Variants in CD3E observed in about 807,000 individuals in gnomAD.
CD3E encodes the protein CD3 epsilon subunit of T-cell receptor complex.
Under a neutral mutation model 34.7 loss-of-function variants are expected in CD3E, and 16 were observed. That is an observed-to-expected ratio of 0.46 (90% CI 0.31 to 0.70). The LOEUF (loss-of-function observed/expected upper bound fraction) is 0.70, where lower values mean the gene tolerates loss of function less well. CD3E is among the 30% of genes least tolerant of loss of function. CD3E has a pLI of 0.05. For synonymous variants in CD3E, 70 were observed against 90.8 expected (o/e 0.77, Z 1.30); for missense variants, 223 against 253.9 (o/e 0.88, Z 0.83).
At chr11:118,311,682 G>C (rs551271764) in intron 4 of CD3E, among the ~76,000 whole-genome samples, 28 of 152,180 alleles carry the variant, frequency 1.8e-4, no homozygotes, top group Non-Finnish European at 3.4e-4. Context: ...CAGTGGTGTG[G>C]AGAGCTTTAT....
chr11:118,314,652 T>C (rs1178768270), intron 8 of CD3E, among the ~76,000 whole-genome samples, 158 bp downstream of exon 8: 1 of 152,058 alleles, frequency 6.6e-6, no homozygotes, highest in Non-Finnish European at 1.5e-5. Flanking sequence ...GCGTCCTTCA[T>C]GGTAAAACAG....
At position 118,304,773 on chromosome 11, in the gene CD3E, A is replaced by G; in HGVS notation, c.-63A>G. On this transcript the variant is annotated 5_prime_UTR_variant, in exon 1 of 9. Coordinates refer to ENST00000361763, the MANE Select transcript of CD3E (RefSeq NM_000733.4). ...CCAGCCTCAGGTGCCTGCTTCAGAA[A>G]ATGGTGAGTCTCTCTCTTATAAAGC... 1.4e-6 allele frequency: 1 copy of G among 703,566 alleles called. No individual in the cohort carries two copies. The highest frequency in any genetic ancestry group is 1.5e-5 in the South Asian group (1 of 68,366). 43.6% of individuals were successfully genotyped at this position (703,566 alleles called of 1,614,324 possible).
Position 118,312,190 on chromosome 11 carries a change from A to G in CD3E, c.103+20A>G. The stretch of plus-strand genomic sequence containing the variant: ...AGACACGTGAGTTTATTGGTCTTTT[A>G]TTTATGCCCTGTCTGAGGATGCAGA... On this transcript the variant is annotated intron_variant, in intron 5 of 8. Transcript: ENST00000361763. The G allele has an allele frequency of 6.2e-7, 1 of 1,606,710 alleles. No individual in the cohort carries two copies. Among genetic ancestry groups the G allele is most frequent in the Non-Finnish European group, 8.5e-7 (1 of 1,173,366 alleles).
rs200786981 is a variant in CD3E, at chr11:118,314,430, C to T, written c.521-18C>T. On this transcript the variant is annotated intron_variant, in intron 7 of 8. Coordinates refer to ENST00000361763, the MANE Select transcript of CD3E (RefSeq NM_000733.4). ...GTTCCCTCATGGGAATGAAATGTTT[C>T]CCCTCCTTCCTCCGCAGGACAAAAC... is the stretch of plus-strand genomic sequence containing the variant. 1.9e-6 allele frequency: 3 copies of T among 1,612,342 alleles called. No individual in the cohort carries two copies. Among genetic ancestry groups the T allele is most frequent in the Non-Finnish European group, 2.5e-6 (3 of 1,178,644 alleles).
rs937440234 is a variant in CD3E, at chr11:118,308,579, T to A, written c.85+138T>A. 3 of 699,112 alleles carry A rather than the reference T, an allele frequency of 4.3e-6. No individual in the cohort carries two copies. The African/African-American group carries it at 5.3e-5, about 12-fold the overall frequency. 43.3% of individuals were successfully genotyped at this position (699,112 alleles called of 1,614,324 possible). On this transcript the variant is annotated intron_variant, in intron 4 of 8. Coordinates refer to ENST00000361763, the MANE Select transcript of CD3E (RefSeq NM_000733.4). ...CAAGTATCTTTCAATGGGATCCGTA[T>A]GAAACTTGCCTGTATTTGTTGCTAG...
intron 2 of CD3E, 104 bp from the exon 3 acceptor site, chr11:118,307,184 C>G: frequency 1.2e-6 from 1 of 835,770 alleles, no homozygotes; most frequent in South Asian, 1.5e-5. Flanking sequence ...GGAAGGACAT[C>G]AGATGTCATC....
At position 118,315,895 on chromosome 11, in the gene CD3E, C is replaced by A; in HGVS notation, c.*353C>A. 2.4e-6 allele frequency: 1 copy of A among 408,794 alleles called. No homozygotes were observed. Among genetic ancestry groups the A allele is most frequent in the Non-Finnish European group, 4.5e-6 (1 of 221,830 alleles). The allele number at this position is 408,794 out of a possible 1,614,324, so 25.3% of individuals were successfully genotyped here. On this transcript the variant is annotated 3_prime_UTR_variant, in exon 9 of 9. Transcript: ENST00000361763. ...TTCTTGCATGTAAGTTGTCCCCCAT[C>A]CCAAAGTATTCCATCTACTTTTCTA...
chr11:118,309,984 G>GA (rs1271334200), intron 4 of CD3E, among the ~76,000 whole-genome samples: 1 of 152,100 alleles, frequency 6.6e-6, no homozygotes, highest in Non-Finnish European at 1.5e-5. Context: ...CCCTGTCTCT[G>GA]AAAAAATTAA....
rs780379117 is a variant in CD3E, at chr11:118,315,532, G to C, written c.614G>C (p.Arg205Thr). 6.2e-7 allele frequency: 1 copy of C among 1,612,912 alleles called. No individual in the cohort carries two copies. Among genetic ancestry groups the C allele is most frequent in the African/African-American group, 1.3e-5 (1 of 74,914 alleles). ...GACCTGTATTCTGGCCTGAATCAGA[G>C]ACGCATCTGACCCTCTGGAGAACAC... is the stretch of plus-strand genomic sequence containing the variant. The part of the protein sequence containing the change: ...QRDLYSGLNQ[R>T]RI The change falls in exon 9 of 9, where the codon AGA becomes ACA. Residue 205 changes from arginine to threonine, a missense_variant. Arg to Thr is a moderately conservative substitution (Grantham distance 71, BLOSUM62 -1). Transcript: ENST00000361763.
At chr11:118,313,455 C>G (rs1948147246) in intron 6 of CD3E, 1 of 520,642 alleles carries the variant, frequency 1.9e-6, no homozygotes, top group Non-Finnish European at 3.5e-6. Flanking sequence ...AAACACATTT[C>G]ACGCTTCTCA....
At chr11:118,312,256 C>A in intron 5 of CD3E, 86 bp downstream of exon 5, 1 of 1,152,838 alleles carries the variant, frequency 8.7e-7, no homozygotes, top group South Asian at 1.2e-5. Flanking sequence ...GAGAGATTAA[C>A]CCCAAGAACT....
chr11:118,308,258 C>T (rs770022798), intron 3 of CD3E, among the ~76,000 whole-genome samples, 169 bp from the exon 4 acceptor site: 5 of 152,138 alleles, frequency 3.3e-5, no homozygotes, highest in African/African-American at 4.8e-5. Context: ...TGTAAATAGT[C>T]ATCAGATAAG....
At chr11:118,313,598 C>T (rs1335858386) in intron 6 of CD3E, 109 bp from the exon 7 acceptor site, 15 of 1,009,196 alleles carry the variant, frequency 1.5e-5, no homozygotes, top group East Asian at 4.9e-5. Context: ...CCGTGGCAAG[C>T]GTGTGAGTAG....
chr11:118,312,971 CTT>C, intron 6 of CD3E, 105 bp downstream of exon 6: 1 of 1,266,974 alleles, frequency 7.9e-7, no homozygotes, highest in Non-Finnish European at 1.1e-6. Flanking sequence ...GCCCAGGCGT[CTT>C]TGCGCTTCCT....
At chr11:118,307,778 C>A (rs1948115687) in intron 3 of CD3E, among the ~76,000 whole-genome samples, 1 of 152,194 alleles carries the variant, frequency 6.6e-6, no homozygotes, top group African/African-American at 2.4e-5. Flanking sequence ...CCTGAACTTA[C>A]TCTCTCAACC....
Position 118,312,869 on chromosome 11 carries a change from A to G in CD3E, c.352+3A>G. ...TTATCTCTACCTGAGGGCAAGAGGT[A>G]ATCCAGGTCTCCAGAACAGGTACCA... On this transcript the variant is annotated splice_donor_region_variant and intron_variant, in intron 6 of 8. Transcript: ENST00000361763. The G allele has an allele frequency of 6.2e-7, 1 of 1,614,150 alleles. No individual in the cohort carries two copies. Among genetic ancestry groups the G allele is most frequent in the Non-Finnish European group, 8.5e-7 (1 of 1,180,020 alleles).
intron 4 of CD3E, among the ~76,000 whole-genome samples, chr11:118,309,491 G>T (rs1208538643): frequency 6.6e-6 from 1 of 152,170 alleles, no homozygotes; most frequent in Non-Finnish European, 1.5e-5. Context: ...TAGGAGAATT[G>T]CTTGAACCTG....
intron 3 of CD3E, 105 bp from the exon 4 acceptor site, chr11:118,308,322 T>C (rs928669985): frequency 3.7e-6 from 3 of 801,206 alleles, no homozygotes; most frequent in Admixed American, 3.9e-5. Context: ...GGAAGATCCA[T>C]TGTTTCCTAA....
intron 2 of CD3E, 44 bp downstream of exon 2, chr11:118,305,045 TG>T: frequency 6.3e-7 from 1 of 1,575,382 alleles, no homozygotes; most frequent in Non-Finnish European, 8.7e-7. Context: ...TCCAGACCGC[TG>T]GAAGGCTTAC....
Sources: gnomAD v4.1 joint callset for allele counts (sites outside exome capture counted in the v4.1 genomes callset) on GRCh38, gnomAD v4.1.1 for gene constraint, MANE v1.5 for transcripts, NCBI Gene and HGNC (gene_info 2026-07-23, HGNC 2026-07-21) for gene names.